Variants in BMAL1 observed in about 807,000 individuals in gnomAD.
The protein encoded by BMAL1 is basic helix-loop-helix ARNT-like protein 1.
the BMAL1 span, chr11:13,386,778 A>G: frequency 3.7e-6 from 6 of 1,610,832 alleles, no homozygotes; most frequent in African/African-American, 8.0e-5. Context: ...TGCTTTGGCA[A>G]CAGCTATAGT....
the BMAL1 span, among the ~76,000 whole-genome samples, chr11:13,292,848 A>G: frequency 1.3e-5 from 2 of 152,228 alleles, no homozygotes; most frequent in Non-Finnish European, 2.9e-5. Context: ...GGGGGCACAC[A>G]TCCAGTCATT....
the BMAL1 span, among the ~76,000 whole-genome samples, chr11:13,366,408 G>T: frequency 1.3e-5 from 2 of 152,170 alleles, no homozygotes; most frequent in Non-Finnish European, 2.9e-5. Flanking sequence ...GGAATTCCAA[G>T]ATTGTTGCCT....
At chr11:13,324,788 G>T in the BMAL1 span, among the ~76,000 whole-genome samples, 150 of 152,358 alleles carry the variant, frequency 9.8e-4, no homozygotes, top group African/African-American at 3.3e-3. Flanking sequence ...AAATGACTGA[G>T]TTAATGCATG....
chr11:13,350,534 T>C, the BMAL1 span, among the ~76,000 whole-genome samples: 1 of 152,156 alleles, frequency 6.6e-6, no homozygotes, highest in Admixed American at 6.5e-5. Context: ...AAAAACAGTA[T>C]AGTACTGTGA....
At chr11:13,336,325 T>A in the BMAL1 span, among the ~76,000 whole-genome samples, 698 of 152,304 alleles carry the variant, frequency 4.6e-3, 1 homozygote, top group Middle Eastern at 0.024. Flanking sequence ...AGCGTCCCCA[T>A]ATAGACTTTT....
the BMAL1 span, among the ~76,000 whole-genome samples, chr11:13,324,143 C>T: frequency 3.5e-5 from 5 of 141,456 alleles, no homozygotes; most frequent in African/African-American, 1.3e-4. Flanking sequence ...CACTGCTCTA[C>T]CCTCGTTCAA....
At chr11:13,315,283 T>G in the BMAL1 span, among the ~76,000 whole-genome samples, 1 of 152,204 alleles carries the variant, frequency 6.6e-6, no homozygotes, top group Non-Finnish European at 1.5e-5. Flanking sequence ...AGCTCATGCC[T>G]GTTCACCCTT....
chr11:13,280,919 G>A, the BMAL1 span, among the ~76,000 whole-genome samples: 12 of 152,332 alleles, frequency 7.9e-5, no homozygotes, highest in Non-Finnish European at 1.3e-4. Flanking sequence ...CCATGGGCAA[G>A]TGCCTGGGCT....
chr11:13,372,695 A>G, the BMAL1 span, among the ~76,000 whole-genome samples: 1 of 152,140 alleles, frequency 6.6e-6, no homozygotes, highest in Non-Finnish European at 1.5e-5. Flanking sequence ...CTGTAGTCCC[A>G]TCTACTCTGG....
At chr11:13,293,424 C>T in the BMAL1 span, among the ~76,000 whole-genome samples, 1 of 152,210 alleles carries the variant, frequency 6.6e-6, no homozygotes, top group Non-Finnish European at 1.5e-5. Context: ...GATGGCCTTT[C>T]CTGCCTCCCA....
At chr11:13,352,603 G>A in the BMAL1 span, among the ~76,000 whole-genome samples, 9 of 152,140 alleles carry the variant, frequency 5.9e-5, no homozygotes, top group Non-Finnish European at 1.2e-4. Context: ...CGTGTGTCCC[G>A]TTTTGACCTG....
the BMAL1 span, among the ~76,000 whole-genome samples, chr11:13,288,124 G>A: frequency 0.27 from 41,389 of 152,122 alleles, 5,744 homozygotes; most frequent in East Asian, 0.46. Flanking sequence ...AAACACAGAA[G>A]TAGGAATGGA....
the BMAL1 span, among the ~76,000 whole-genome samples, chr11:13,330,926 G>A: frequency 3.9e-5 from 6 of 152,204 alleles, no homozygotes; most frequent in South Asian, 2.1e-4. Flanking sequence ...CTGTGTTGTC[G>A]TAGTGTACTA....
the BMAL1 span, among the ~76,000 whole-genome samples, chr11:13,278,521 G>T: frequency 1.3e-5 from 2 of 152,180 alleles, no homozygotes; most frequent in Non-Finnish European, 2.9e-5. Flanking sequence ...CGTCTCCGTC[G>T]GGCTTGGGGA....
the BMAL1 span, among the ~76,000 whole-genome samples, chr11:13,384,550 C>A: frequency 5.3e-5 from 8 of 152,140 alleles, no homozygotes; most frequent in Non-Finnish European, 8.8e-5. Flanking sequence ...AAAAAGAATA[C>A]AATTATTTGA....
chr11:13,383,714 G>A, the BMAL1 span, among the ~76,000 whole-genome samples: 1 of 152,038 alleles, frequency 6.6e-6, no homozygotes, highest in Non-Finnish European at 1.5e-5. Context: ...TTATCCAGGT[G>A]TGGTGGTGTA....
chr11:13,386,220 CCCTT>C, the BMAL1 span, among the ~76,000 whole-genome samples: 1 of 152,136 alleles, frequency 6.6e-6, no homozygotes, highest in Non-Finnish European at 1.5e-5. Context: ...CCTAAACTCT[CCCTT>C]CCTATTTGCC....
the BMAL1 span, among the ~76,000 whole-genome samples, chr11:13,332,531 C>T: frequency 5.8e-4 from 89 of 152,292 alleles, 1 homozygote; most frequent in African/African-American, 1.7e-3. Context: ...AATTTCAGTA[C>T]AAGCTAGCAA....
the BMAL1 span, among the ~76,000 whole-genome samples, chr11:13,288,394 T>TCTTTTTTC: frequency 2.3e-5 from 1 of 43,298 alleles, no homozygotes; most frequent in Non-Finnish European, 6.5e-5. Context: ...GGATTTTCTT[T>TCTTTTTTC]TTTCTTTCTT....
Sources: gnomAD v4.1 joint callset for allele counts (sites outside exome capture counted in the v4.1 genomes callset) on GRCh38, gnomAD v4.1.1 for gene constraint, MANE v1.5 for transcripts, NCBI Gene and HGNC (gene_info 2026-07-23, HGNC 2026-07-21) for gene names.